PAK5: variants seen among roughly 807,000 people sequenced by gnomAD.
PAK5 encodes serine/threonine-protein kinase PAK 5.
PAK5 carries 16 observed loss-of-function variants against 65.9 expected under a neutral mutation model. The observed-to-expected ratio is 0.24, with a 90% confidence interval of 0.16 to 0.37. The LOEUF (loss-of-function observed/expected upper bound fraction) is 0.37. Ranked by LOEUF, PAK5 falls within the 10% of genes least tolerant of loss-of-function variation. PAK5 has a pLI of 1.00. For synonymous variants in PAK5, 371 were observed against 354.9 expected (o/e 1.05, Z -0.51); for missense variants, 785 against 903.9 (o/e 0.87, Z 1.69).
At chr20:9,561,950 T>C (rs1289917121) in intron 6 of PAK5, among the ~76,000 whole-genome samples, 1 of 152,128 alleles carries the variant, frequency 6.6e-6, no homozygotes, top group African/African-American at 2.4e-5. Context: ...ACCCTCTCTA[T>C]TGAGTCAGGA....
At chr20:9,739,030 T>C (rs2048422271) in intron 1 of PAK5, among the ~76,000 whole-genome samples, 1 of 152,176 alleles carries the variant, frequency 6.6e-6, no homozygotes, top group South Asian at 2.1e-4. Flanking sequence ...CTAACTCCTC[T>C]ACTGTATTTA....
chr20:9,798,982 T>C (rs1466933145), intron 1 of PAK5, among the ~76,000 whole-genome samples: 1 of 152,090 alleles, frequency 6.6e-6, no homozygotes, highest in African/African-American at 2.4e-5. Context: ...GAATCATAAA[T>C]CTAGGGAGAG....
At chr20:9,818,182 T>C (rs1290113982) in intron 1 of PAK5, among the ~76,000 whole-genome samples, 3 of 152,216 alleles carry the variant, frequency 2.0e-5, no homozygotes, top group Non-Finnish European at 2.9e-5. Context: ...TCTCCATATC[T>C]GATCAGATTC....
intron 3 of PAK5, among the ~76,000 whole-genome samples, chr20:9,622,669 T>G (rs985835576): frequency 1.3e-5 from 2 of 152,342 alleles, no homozygotes; most frequent in African/African-American, 2.4e-5. Flanking sequence ...CGACATTATA[T>G]TCTCATAGGG....
chr20:9,813,225 G>C (rs1299911795), intron 1 of PAK5, among the ~76,000 whole-genome samples: 2 of 152,030 alleles, frequency 1.3e-5, no homozygotes, highest in African/African-American at 2.4e-5. Flanking sequence ...CCTAGGGTAG[G>C]AGATATAGGA....
chr20:9,795,923 T>C (rs976482791), intron 1 of PAK5, among the ~76,000 whole-genome samples: 1 of 152,112 alleles, frequency 6.6e-6, no homozygotes, highest in Non-Finnish European at 1.5e-5. Context: ...TTCCACTTAA[T>C]ATTTATTAAA....
intron 7 of PAK5, among the ~76,000 whole-genome samples, chr20:9,549,821 TCTC>T (rs1418512438): frequency 1.3e-5 from 2 of 152,140 alleles, no homozygotes; most frequent in Non-Finnish European, 2.9e-5. Flanking sequence ...AATTGACAGT[TCTC>T]CTACCTGCTC....
chr20:9,567,690 G>A (rs933917237), intron 4 of PAK5, among the ~76,000 whole-genome samples: 1 of 152,156 alleles, frequency 6.6e-6, no homozygotes, highest in Non-Finnish European at 1.5e-5. Flanking sequence ...GAGGGGGAGG[G>A]TCCACCAACA....
In PAK5 at chr20:9,538,866, G is replaced by A. The variant is rs2045211682; in HGVS notation, c.*596C>T. On this transcript the variant is annotated 3_prime_UTR_variant, in exon 10 of 10. Coordinates refer to ENST00000353224, the MANE Select transcript of PAK5 (RefSeq NM_177990.4). ...GATTGAGAGTCATTCAGTATTCAAA[G>A]TTCCTAAAGAATCATTGGTTCTCTT... 4.3e-6 allele frequency: 1 copy of A among 233,182 alleles called. No individual in the cohort carries two copies. Among genetic ancestry groups the A allele is most frequent in the Non-Finnish European group, 8.5e-6 (1 of 117,788 alleles). 14.4% of individuals were successfully genotyped at this position (233,182 alleles called of 1,614,324 possible). A position where few individuals can be genotyped will look rare whatever the true frequency, so the allele number is the denominator to read the frequency against.
rs1389617395 is a variant in PAK5 at position 9,554,612 on chromosome 20, A to G, written c.1743+2996T>C. Among the ~76,000 whole-genome samples the G allele has an allele frequency of 7.9e-5, 12 of 152,236 alleles. No homozygotes were observed. The East Asian group carries it at 2.1e-3, about 27-fold the overall frequency. On this transcript the variant is annotated intron_variant, in intron 7 of 9. Transcript: ENST00000353224. ...ATGCTTCGTTATAACAGCAATAGAT[A>G]ATTGAAAAAGTCTTCTCCACTATAT... is the stretch of plus-strand genomic sequence containing the variant.
chr20:9,615,856 G>A (rs1193659567), intron 3 of PAK5, among the ~76,000 whole-genome samples: 1 of 152,192 alleles, frequency 6.6e-6, no homozygotes, highest in Non-Finnish European at 1.5e-5. Flanking sequence ...TTGTCTGGGG[G>A]CACAGCTAGG....
intron 3 of PAK5, among the ~76,000 whole-genome samples, chr20:9,616,469 C>A (rs1569001025): frequency 6.6e-6 from 1 of 152,216 alleles, no homozygotes; most frequent in East Asian, 1.9e-4. Context: ...TCAGCGTTCT[C>A]TTCGGCTAAA....
chr20:9,730,079 G>A (rs1341647346), intron 1 of PAK5, among the ~76,000 whole-genome samples: 1 of 149,320 alleles, frequency 6.7e-6, no homozygotes, highest in African/African-American at 2.5e-5. Context: ...TCAAACAAAT[G>A]CTAAATCATG....
In PAK5 at chr20:9,785,730, A is replaced by T. The variant is rs1387037147; in HGVS notation, c.-162+53032T>A. ...GACCTTCTGCTAGTAACTTTGAAAA[A>T]GTTGGCAACCAACAAAACTTTGATT... is the stretch of plus-strand genomic sequence containing the variant. On this transcript the variant is annotated intron_variant, in intron 1 of 9. Coordinates refer to ENST00000353224, the MANE Select transcript of PAK5 (RefSeq NM_177990.4). Among the ~76,000 whole-genome samples, 3 of 152,326 alleles carry T rather than the reference A, an allele frequency of 2.0e-5. No individual in the cohort carries two copies. The East Asian group carries it at 5.8e-4, about 29-fold the overall frequency.
intron 1 of PAK5, among the ~76,000 whole-genome samples, chr20:9,722,092 G>A (rs1322126860): frequency 1.3e-5 from 2 of 152,136 alleles, no homozygotes; most frequent in Non-Finnish European, 2.9e-5. Flanking sequence ...AAAATTACTA[G>A]AGAAAGAGGT....
intron 1 of PAK5, among the ~76,000 whole-genome samples, chr20:9,731,744 T>C (rs1056790066): frequency 6.6e-6 from 1 of 152,214 alleles, no homozygotes; most frequent in Non-Finnish European, 1.5e-5. Context: ...AGGAAGTATG[T>C]TAATGGAAAT....
chr20:9,782,920 CTTTCTTTTTTTTT>C (rs940923606), intron 1 of PAK5, among the ~76,000 whole-genome samples: 4 of 139,066 alleles, frequency 2.9e-5, no homozygotes, highest in African/African-American at 8.1e-5. Context: ...TTTTCTCTTT[CTTTCTTTTTTTTT>C]TTTCTTTTTT....
intron 3 of PAK5, among the ~76,000 whole-genome samples, chr20:9,624,997 C>T (rs528874306): frequency 7.2e-5 from 11 of 152,216 alleles, no homozygotes; most frequent in East Asian, 1.9e-4. Context: ...AAAATAGATG[C>T]GGGCCATTTA....
intron 3 of PAK5, among the ~76,000 whole-genome samples, chr20:9,607,867 A>G (rs915282922): frequency 7.2e-5 from 11 of 152,184 alleles, no homozygotes; most frequent in African/African-American, 2.4e-4. Context: ...GAAAAAGAAA[A>G]TGATGCTTCT....
Sources: gnomAD v4.1 joint callset for allele counts (sites outside exome capture counted in the v4.1 genomes callset) on GRCh38, gnomAD v4.1.1 for gene constraint, MANE v1.5 for transcripts, NCBI Gene and HGNC (gene_info 2026-07-23, HGNC 2026-07-21) for gene names.